The following IQCJ variants were observed in gnomAD, a reference collection of about 807,000 sequenced individuals.
IQCJ encodes the protein IQ domain-containing protein J.
Under a neutral mutation model 11.0 loss-of-function variants are expected in IQCJ, and 9 were observed. The ratio of observed to expected loss-of-function variants is 0.82; its 90% CI spans 0.49 to 1.43. The LOEUF is 1.43. IQCJ is among the 40% of genes most tolerant of loss of function. The probability of loss-of-function intolerance (pLI) is 0.00; values close to 1 mark genes in which losing one functional copy is unlikely to be tolerated. For synonymous variants in IQCJ, 55 were observed against 51.3 expected (o/e 1.07, Z -0.31); for missense variants, 146 against 133.2 (o/e 1.10, Z -0.47).
At chr3:159,182,838 T>C (rs1723179367) in intron 1 of IQCJ, among the ~76,000 whole-genome samples, 1 of 151,696 alleles carries the variant, frequency 6.6e-6, no homozygotes, top group Admixed American at 6.6e-5. Flanking sequence ...ACATAACCGA[T>C]TAGGTCAGGG....
intron 2 of IQCJ, among the ~76,000 whole-genome samples, chr3:159,247,709 G>A (rs539783601): frequency 9.8e-5 from 15 of 152,302 alleles, no homozygotes; most frequent in African/African-American, 3.4e-4. Flanking sequence ...GAAAAGCAGG[G>A]GAAGGTTAGA....
intron 1 of IQCJ, among the ~76,000 whole-genome samples, chr3:159,128,574 C>T (rs762382779): frequency 8.5e-5 from 13 of 152,158 alleles, no homozygotes; most frequent in Non-Finnish European, 1.5e-4. Context: ...AGTGCTGATA[C>T]GCATGCCCCT....
chr3:159,142,375 C>T (rs550075300), intron 1 of IQCJ, among the ~76,000 whole-genome samples: 2 of 152,134 alleles, frequency 1.3e-5, no homozygotes, highest in African/African-American at 4.8e-5. Context: ...TGAGAAGCTG[C>T]GTTGTTCAGA....
intron 1 of IQCJ, among the ~76,000 whole-genome samples, chr3:159,123,760 T>A (rs1719513497): frequency 6.6e-6 from 1 of 152,150 alleles, no homozygotes; most frequent in African/African-American, 2.4e-5. Flanking sequence ...CTGTCAGGAG[T>A]GAGGACCTTG....
chr3:159,209,102 C>A (rs1265981813), intron 1 of IQCJ, among the ~76,000 whole-genome samples: 3 of 152,146 alleles, frequency 2.0e-5, no homozygotes, highest in African/African-American at 7.2e-5. Context: ...TTCCCAAGAC[C>A]ACCCTGATCT....
chr3:159,069,383 A>G lies in IQCJ; in HGVS notation c.-50A>G. The G allele has an allele frequency of 6.3e-7, 1 of 1,592,648 alleles. No homozygotes were observed. Among genetic ancestry groups the G allele is most frequent in the Non-Finnish European group, 8.5e-7 (1 of 1,172,186 alleles). ...GTGATTCTGAGGAATACAGTGTGCC[A>G]GCATCCGATCCAGTCTCCTTTCACC... On this transcript the variant is annotated 5_prime_UTR_variant, in exon 1 of 4. Coordinates refer to ENST00000397832, the MANE Select transcript of IQCJ (RefSeq NM_001042706.3).
chr3:159,090,219 G>A (rs531555382), intron 1 of IQCJ, among the ~76,000 whole-genome samples: 24 of 151,720 alleles, frequency 1.6e-4, no homozygotes, highest in South Asian at 6.2e-4. Context: ...GGTGCCTCCC[G>A]GTTAGGCTGC....
chr3:159,089,178 A>C (rs1205294603), intron 1 of IQCJ, among the ~76,000 whole-genome samples: 1 of 151,976 alleles, frequency 6.6e-6, no homozygotes, highest in African/African-American at 2.4e-5. Context: ...TTCACTTATG[A>C]AGCTTAGTTT....
chr3:159,141,734 A>G (rs139044770), intron 1 of IQCJ, among the ~76,000 whole-genome samples: 2 of 152,346 alleles, frequency 1.3e-5, no homozygotes, highest in South Asian at 2.1e-4. Flanking sequence ...TACCAAAGCC[A>G]TATTTTTCTT....
chr3:159,133,942 G>A (rs1720141561), intron 1 of IQCJ, among the ~76,000 whole-genome samples: 1 of 151,506 alleles, frequency 6.6e-6, no homozygotes, highest in African/African-American at 2.4e-5. Flanking sequence ...ATGCAATCAA[G>A]GTATCCACCA....
chr3:159,208,912 G>T (rs1231401030), intron 1 of IQCJ, among the ~76,000 whole-genome samples: 1 of 152,136 alleles, frequency 6.6e-6, no homozygotes, highest in Non-Finnish European at 1.5e-5. Context: ...TGAAGACAAA[G>T]AAATACATTG....
intron 1 of IQCJ, among the ~76,000 whole-genome samples, chr3:159,238,277 C>A (rs1726712307): frequency 6.6e-6 from 1 of 152,124 alleles, no homozygotes; most frequent in Non-Finnish European, 1.5e-5. Context: ...CATGCCAGTG[C>A]CTCCCTCTGC....
At chr3:159,194,367 G>A (rs1723859272) in intron 1 of IQCJ, among the ~76,000 whole-genome samples, 1 of 152,168 alleles carries the variant, frequency 6.6e-6, no homozygotes, top group Non-Finnish European at 1.5e-5. Flanking sequence ...TGTATGTTAA[G>A]TGCCACTGGT....
chr3:159,078,839 T>G (rs974252032), intron 1 of IQCJ, among the ~76,000 whole-genome samples: 1 of 152,046 alleles, frequency 6.6e-6, no homozygotes, highest in Admixed American at 6.6e-5. Flanking sequence ...ATCTATAAAA[T>G]GAGGATAATG....
At chr3:159,085,680 AT>A (rs1210197581) in intron 1 of IQCJ, among the ~76,000 whole-genome samples, 1 of 150,116 alleles carries the variant, frequency 6.7e-6, no homozygotes, top group African/African-American at 2.5e-5. Flanking sequence ...GATGATAAGC[AT>A]TTTTTCATGT....
chr3:159,106,347 G>A (rs1312794984), intron 1 of IQCJ, among the ~76,000 whole-genome samples: 1 of 152,158 alleles, frequency 6.6e-6, no homozygotes, highest in African/African-American at 2.4e-5. Context: ...AGAGTTGTCT[G>A]TATAAAGATG....
At chr3:159,229,208 C>T (rs1726042445) in intron 1 of IQCJ, among the ~76,000 whole-genome samples, 2 of 152,184 alleles carry the variant, frequency 1.3e-5, no homozygotes, top group Admixed American at 1.3e-4. Context: ...TCACTCTTTC[C>T]ACATTCTGCA....
intron 3 of IQCJ, among the ~76,000 whole-genome samples, chr3:159,253,687 G>A (rs1256303881): frequency 6.6e-6 from 1 of 151,604 alleles, no homozygotes; most frequent in African/African-American, 2.4e-5. Flanking sequence ...AAACGAGAAT[G>A]TTAACATATC....
chr3:159,086,297 C>A (rs1716764956), intron 1 of IQCJ, among the ~76,000 whole-genome samples: 1 of 152,112 alleles, frequency 6.6e-6, no homozygotes, highest in Non-Finnish European at 1.5e-5. Flanking sequence ...GGTACCAGTA[C>A]CATGCTGTTT....
Sources: gnomAD v4.1 joint callset for allele counts (sites outside exome capture counted in the v4.1 genomes callset) on GRCh38, gnomAD v4.1.1 for gene constraint, MANE v1.5 for transcripts, NCBI Gene and HGNC (gene_info 2026-07-23, HGNC 2026-07-21) for gene names.